Variants in EBF1 observed in about 807,000 individuals in gnomAD.
EBF1 encodes EBF transcription factor 1, also known as transcription factor COE1.
A neutral mutation model predicts 68.4 loss-of-function variants in EBF1; 10 were observed. That is an observed-to-expected ratio of 0.15 (90% CI 0.09 to 0.25). The LOEUF is 0.25. Among genes scored for constraint, EBF1 ranks in the 10% least tolerant of loss-of-function variants. The probability of loss-of-function intolerance (pLI) is 1.00; values close to 1 mark genes in which losing one functional copy is unlikely to be tolerated. For synonymous variants in EBF1, 298 were observed against 299.8 expected, an observed-to-expected ratio of 0.99 and a Z score of 0.06; for missense variants, 509 against 794.4, an observed-to-expected ratio of 0.64 and a Z score of 4.32.
At chr5:159,035,683 C>CT (rs1769893026) in intron 6 of EBF1, among the ~76,000 whole-genome samples, 1 of 152,188 alleles carries the variant, frequency 6.6e-6, no homozygotes, top group Non-Finnish European at 1.5e-5. Context: ...GCAATGTTGA[C>CT]TGACATTATC....
At chr5:158,858,772 C>T (rs1308982635) in intron 6 of EBF1, among the ~76,000 whole-genome samples, 1 of 152,174 alleles carries the variant, frequency 6.6e-6, no homozygotes, top group Non-Finnish European at 1.5e-5. Context: ...CAGCCTGCTC[C>T]AGAAGATGGG....
intron 6 of EBF1, among the ~76,000 whole-genome samples, chr5:159,020,480 C>T (rs1054135791): frequency 6.6e-6 from 1 of 152,178 alleles, no homozygotes; most frequent in Non-Finnish European, 1.5e-5. Context: ...GGACTTCACC[C>T]TCAATCGAGC....
intron 2 of EBF1, chr5:159,096,673 G>C (rs1405529474): frequency 5.0e-6 from 3 of 605,802 alleles, no homozygotes; most frequent in Non-Finnish European, 8.7e-6. Flanking sequence ...CCGGCCACCA[G>C]AGGCAGGCGG....
intron 10 of EBF1, among the ~76,000 whole-genome samples, chr5:158,752,504 A>T (rs1160196694): frequency 6.6e-6 from 1 of 152,076 alleles, no homozygotes. Context: ...TCTCCTACCC[A>T]GTAGAGCGTG....
Position 159,004,560 on chromosome 5 carries a change from AGGTAGG to A in EBF1, c.554+68830_554+68835del, listed in dbSNP as rs1763190901. On this transcript the variant is annotated intron_variant, in intron 6 of 15. Coordinates refer to ENST00000313708, the MANE Select transcript of EBF1 (RefSeq NM_024007.5). ...TAGGTAGGTAGGTAGGTAGGTAGGT[AGGTAGG>A]TAGATAATCAAAGTCTTTCAGAGTC... is the stretch of plus-strand genomic sequence containing the variant. Among the ~76,000 whole-genome samples the A allele has an allele frequency of 2.6e-5, 4 of 152,028 alleles. 1 individual carries two copies. Among genetic ancestry groups the A allele is most frequent in the African/African-American group, 9.7e-5 (4 of 41,380 alleles).
At chr5:159,051,512 G>T (rs1293464335) in intron 6 of EBF1, among the ~76,000 whole-genome samples, 3 of 149,812 alleles carry the variant, frequency 2.0e-5, no homozygotes, top group Admixed American at 2.0e-4. Context: ...TTTCGCTGGC[G>T]ACAAACTGGA....
intron 6 of EBF1, among the ~76,000 whole-genome samples, chr5:158,895,906 T>C (rs570291990): frequency 7.6e-4 from 116 of 152,176 alleles, no homozygotes; most frequent in Admixed American, 1.5e-3. Context: ...TACAAACATT[T>C]CTTCTCCTGA....
intron 8 of EBF1, among the ~76,000 whole-genome samples, chr5:158,803,105 G>T (rs893237592): frequency 6.6e-6 from 1 of 151,974 alleles, no homozygotes; most frequent in Non-Finnish European, 1.5e-5. Context: ...ATGAGGAATC[G>T]ACTTTAATGT....
chr5:159,038,763 T>C (rs1770604703), intron 6 of EBF1, among the ~76,000 whole-genome samples: 1 of 152,178 alleles, frequency 6.6e-6, no homozygotes. Context: ...ATCTAGTGTC[T>C]GAGCACCTAA....
intron 6 of EBF1, among the ~76,000 whole-genome samples, chr5:159,039,135 A>G (rs1420577589): frequency 6.6e-6 from 1 of 152,238 alleles, no homozygotes. Flanking sequence ...TGAGTTGGCC[A>G]AGATGCCTGC....
intron 6 of EBF1, among the ~76,000 whole-genome samples, chr5:158,855,345 G>T (rs1220602073): frequency 2.0e-5 from 3 of 152,178 alleles, no homozygotes; most frequent in African/African-American, 7.2e-5. Flanking sequence ...ATATGACAGG[G>T]AGTGGATAAA....
chr5:158,781,380 T>A (rs1776427215), intron 9 of EBF1, among the ~76,000 whole-genome samples: 1 of 152,192 alleles, frequency 6.6e-6, no homozygotes, highest in Admixed American at 6.6e-5. Context: ...TTTTCTCTAT[T>A]TGCCTAGCAC....
At chr5:158,960,681 C>T (rs1224361878) in intron 6 of EBF1, among the ~76,000 whole-genome samples, 1 of 152,164 alleles carries the variant, frequency 6.6e-6, no homozygotes, top group East Asian at 1.9e-4. Flanking sequence ...TAGTGACTTG[C>T]TCTTAACAAA....
chr5:158,831,946 C>T (rs1328263546), intron 7 of EBF1, among the ~76,000 whole-genome samples: 2 of 152,164 alleles, frequency 1.3e-5, no homozygotes, highest in African/African-American at 2.4e-5. Context: ...ATGTGCTTGA[C>T]AGGACTAAAG....
intron 6 of EBF1, among the ~76,000 whole-genome samples, chr5:158,885,475 G>C (rs1197727674): frequency 6.6e-6 from 1 of 152,180 alleles, no homozygotes; most frequent in Non-Finnish European, 1.5e-5. Context: ...GAGCTGCCTG[G>C]GTGGTGGTAC....
At chr5:159,091,785 G>A (rs1781695286) in intron 4 of EBF1, among the ~76,000 whole-genome samples, 1 of 152,152 alleles carries the variant, frequency 6.6e-6, no homozygotes. Context: ...TAGCATTTCT[G>A]ATGATTGTAC....
intron 6 of EBF1, among the ~76,000 whole-genome samples, chr5:158,905,190 C>T (rs756040979): frequency 5.3e-5 from 8 of 152,124 alleles, no homozygotes; most frequent in Non-Finnish European, 1.2e-4. Flanking sequence ...CAAAAACCTC[C>T]CCCATTTGCA....
intron 8 of EBF1, among the ~76,000 whole-genome samples, chr5:158,802,388 T>G (rs1336650345): frequency 1.3e-5 from 2 of 152,122 alleles, no homozygotes; most frequent in African/African-American, 4.8e-5. Context: ...ATTTAGAAAT[T>G]TTCTAATCTA....
rs17056476 is a variant in EBF1, at chr5:159,042,092, T to A, written c.554+31304A>T. Among the ~76,000 whole-genome samples the A allele has an allele frequency of 6.3e-3, 956 of 152,262 alleles. 10 individuals carry two copies. Among genetic ancestry groups the A allele is most frequent in the African/African-American group, 0.022 (913 of 41,542 alleles). On this transcript the variant is annotated intron_variant, in intron 6 of 15. Transcript: ENST00000313708. ...AACTGCTGTGTAATTGGAAGGGAACTTTTTCCCATGCAAAAAAGCTTGCTG... is the reference window on the plus strand; with the variant it reads ...AACTGCTGTGTAATTGGAAGGGAACATTTTCCCATGCAAAAAAGCTTGCTG...
Sources: allele counts gnomAD v4.1 joint callset (sites outside exome capture counted in the v4.1 genomes callset), GRCh38; gene constraint gnomAD v4.1.1; transcripts MANE v1.5; gene names NCBI Gene and HGNC (gene_info 2026-07-23, HGNC 2026-07-21).